Variants in ME3 observed in about 807,000 individuals in gnomAD.
The protein encoded by ME3 is malic enzyme 3, also known as NADP-dependent malic enzyme, mitochondrial.
Under a neutral mutation model 68.9 loss-of-function variants are expected in ME3, and 48 were observed. The observed-to-expected ratio is 0.70, with a 90% CI of 0.55 to 0.89. ME3 has a LOEUF of 0.89. Among genes scored for constraint, ME3 ranks in the 40% least tolerant of loss-of-function variants. The probability of loss-of-function intolerance (pLI) is 0.00; values close to 1 mark genes in which losing one functional copy is unlikely to be tolerated. For missense variants in ME3, 675 were observed against 797.4 expected, an observed-to-expected ratio of 0.85 and a Z score of 1.85; for synonymous variants, 320 against 318.8, an observed-to-expected ratio of 1.00 and a Z score of -0.04.
At chr11:86,576,565 C>T (rs1168124023) in intron 2 of ME3, among the ~76,000 whole-genome samples, 1 of 152,222 alleles carries the variant, frequency 6.6e-6, no homozygotes. Context: ...AGCTCTTGCA[C>T]TGTCCCCTGC....
intron 13 of ME3, among the ~76,000 whole-genome samples, chr11:86,444,290 T>A (rs1949163925): frequency 6.6e-6 from 1 of 151,846 alleles, no homozygotes; most frequent in Admixed American, 6.6e-5. Context: ...AGCACATTGG[T>A]TAGGTCGATG....
chr11:86,518,359 G>A (rs187242618), intron 4 of ME3, among the ~76,000 whole-genome samples: 51 of 151,982 alleles, frequency 3.4e-4, no homozygotes, highest in African/African-American at 1.2e-3. Context: ...AATGGAGGCT[G>A]CGATCGACTT....
chr11:86,508,108 C>T (rs1342949961), intron 5 of ME3, among the ~76,000 whole-genome samples: 1 of 152,060 alleles, frequency 6.6e-6, no homozygotes. Flanking sequence ...TTTTGTCATT[C>T]TACATTTATG....
chr11:86,499,215 T>G (rs974638332), intron 5 of ME3, among the ~76,000 whole-genome samples: 1 of 151,660 alleles, frequency 6.6e-6, no homozygotes, highest in Non-Finnish European at 1.5e-5. Flanking sequence ...ATGTAGGATG[T>G]GTTTGGGGAG....
chr11:86,666,944 A>G (rs909639508), intron 2 of ME3, among the ~76,000 whole-genome samples: 5 of 152,254 alleles, frequency 3.3e-5, no homozygotes, highest in South Asian at 2.1e-4. Context: ...GAACAAAATC[A>G]TATACTTTAT....
At chr11:86,623,063 C>T (rs367868466) in intron 2 of ME3, among the ~76,000 whole-genome samples, 3 of 152,032 alleles carry the variant, frequency 2.0e-5, no homozygotes, top group African/African-American at 7.2e-5. Flanking sequence ...CAGAGAATAC[C>T]GAGACAGCAG....
chr11:86,548,707 T>A (rs766694578), intron 4 of ME3, among the ~76,000 whole-genome samples: 1 of 152,118 alleles, frequency 6.6e-6, no homozygotes, highest in Admixed American at 6.6e-5. Context: ...ACCGTGAGGG[T>A]TGGAAGGAGC....
intron 2 of ME3, among the ~76,000 whole-genome samples, chr11:86,652,102 C>T (rs940311064): frequency 6.6e-6 from 1 of 152,128 alleles, no homozygotes; most frequent in Non-Finnish European, 1.5e-5. Flanking sequence ...TGTGAAAAGA[C>T]CAAATCTACG....
chr11:86,521,403 ACAAACAAAACAAAACAAAACAAAAC>A (rs1954276393), intron 4 of ME3, among the ~76,000 whole-genome samples: 2 of 113,092 alleles, frequency 1.8e-5, no homozygotes, highest in Admixed American at 8.5e-5. Context: ...TCAAAAACAA[ACAAACAAAACAAAACAAAACAAAAC>A]AAAAATAATA....
intron 2 of ME3, among the ~76,000 whole-genome samples, chr11:86,665,550 A>G (rs995040658): frequency 1.3e-5 from 2 of 152,192 alleles, no homozygotes; most frequent in Non-Finnish European, 2.9e-5. Context: ...GAGAGCATCA[A>G]TATGAAAGGC....
chr11:86,487,367 A>G, exon 7 of ME3: 4 of 1,614,208 alleles, frequency 2.5e-6, no homozygotes, highest in Non-Finnish European at 3.4e-6. Flanking sequence ...GAACTCATCC[A>G]GCAAGTCATC....
downstream of ME3, among the ~76,000 whole-genome samples, chr11:86,438,191 G>C (rs1480207704): frequency 6.6e-6 from 1 of 151,840 alleles, no homozygotes; most frequent in African/African-American, 2.4e-5. Context: ...ATAAATGGGC[G>C]TTGGTTTTTT....
intron 2 of ME3, among the ~76,000 whole-genome samples, chr11:86,647,535 G>C (rs995530303): frequency 6.6e-6 from 1 of 151,166 alleles, no homozygotes; most frequent in Non-Finnish European, 1.5e-5. Flanking sequence ...ACACACATAG[G>C]CTCAGAATAA....
chr11:86,627,483 C>T (rs1943736866), intron 2 of ME3, among the ~76,000 whole-genome samples: 1 of 152,186 alleles, frequency 6.6e-6, no homozygotes, highest in African/African-American at 2.4e-5. Context: ...TACCCATATG[C>T]ATACAAATAT....
chr11:86,454,808 C>T (rs543889505), intron 8 of ME3, among the ~76,000 whole-genome samples: 2 of 152,310 alleles, frequency 1.3e-5, no homozygotes, highest in African/African-American at 4.8e-5. Flanking sequence ...AAGGAACTTA[C>T]AAAATACTAA....
chr11:86,652,392 T>G (rs903728007), intron 2 of ME3, among the ~76,000 whole-genome samples: 16 of 152,170 alleles, frequency 1.1e-4, no homozygotes, highest in Admixed American at 9.2e-4. Flanking sequence ...TAACAGCTGA[T>G]CTCTCTGCAG....
intron 7 of ME3, among the ~76,000 whole-genome samples, chr11:86,474,151 C>G (rs781052521): frequency 6.6e-6 from 1 of 152,156 alleles, no homozygotes; most frequent in African/African-American, 2.4e-5. Context: ...CTGGGAGATT[C>G]CCTGGTGTGC....
At chr11:86,538,941 C>A (rs1463012329) in intron 4 of ME3, among the ~76,000 whole-genome samples, 1 of 152,176 alleles carries the variant, frequency 6.6e-6, no homozygotes, top group East Asian at 1.9e-4. Flanking sequence ...TGGCAAATCA[C>A]CCTCACATTT....
chr11:86,641,698 G>A (rs1399735855), intron 2 of ME3, among the ~76,000 whole-genome samples: 3 of 152,060 alleles, frequency 2.0e-5, no homozygotes, highest in African/African-American at 4.8e-5. Context: ...GTCTCCCAGG[G>A]ATTTTTCATT....
Sources: gnomAD v4.1 joint callset for allele counts (sites outside exome capture counted in the v4.1 genomes callset) on GRCh38, gnomAD v4.1.1 for gene constraint, MANE v1.5 for transcripts, NCBI Gene and HGNC (gene_info 2026-07-23, HGNC 2026-07-21) for gene names.